GRM7: variants seen among roughly 807,000 people sequenced by gnomAD.
GRM7 encodes the protein metabotropic glutamate receptor 7.
A neutral mutation model predicts 84.5 loss-of-function variants in GRM7; 35 were observed. The observed-to-expected ratio is 0.41, with a 90% CI of 0.32 to 0.55. The LOEUF is 0.55. Ranked by LOEUF, GRM7 falls within the 20% of genes least tolerant of loss-of-function variation. The pLI is 0.19. For synonymous variants in GRM7, 487 were observed against 455.1 expected, an observed-to-expected ratio of 1.07 and a Z score of -0.89; for missense variants, 1,003 against 1,194.6, an observed-to-expected ratio of 0.84 and a Z score of 2.36.
intron 1 of GRM7, among the ~76,000 whole-genome samples, chr3:7,132,333 T>A (rs1693629224): frequency 6.6e-6 from 1 of 152,212 alleles, no homozygotes; most frequent in African/African-American, 2.4e-5. Context: ...CATGGAGTTA[T>A]GTATTCATTA....
intron 4 of GRM7, among the ~76,000 whole-genome samples, chr3:7,318,195 T>G (rs928920207): frequency 6.6e-6 from 1 of 152,066 alleles, no homozygotes; most frequent in Non-Finnish European, 1.5e-5. Context: ...ACATCAGCAA[T>G]TTATTTGTTT....
intron 1 of GRM7, among the ~76,000 whole-genome samples, chr3:7,079,396 G>A (rs1258775730): frequency 6.6e-6 from 1 of 152,172 alleles, no homozygotes; most frequent in Non-Finnish European, 1.5e-5. Flanking sequence ...TGATACTTCA[G>A]AAGTCCAAGA....
intron 1 of GRM7, among the ~76,000 whole-genome samples, chr3:6,992,299 A>G (rs1694670392): frequency 6.6e-6 from 1 of 152,204 alleles, no homozygotes; most frequent in Non-Finnish European, 1.5e-5. Context: ...GATTTTTAGG[A>G]GTCCTTAAAG....
intron 8 of GRM7, among the ~76,000 whole-genome samples, chr3:7,645,270 T>C (rs9850541): frequency 0.16 from 24,372 of 151,956 alleles, 4,352 homozygotes; most frequent in African/African-American, 0.44. Flanking sequence ...GTCAGTTGGC[T>C]GGGCACAGTG....
chr3:6,870,838 T>C (rs1222310592), intron 1 of GRM7, among the ~76,000 whole-genome samples: 1 of 152,170 alleles, frequency 6.6e-6, no homozygotes, highest in East Asian at 1.9e-4. Flanking sequence ...TATTATCATC[T>C]GAAATTGAAA....
chr3:7,271,428 G>A (rs976642343), intron 2 of GRM7, among the ~76,000 whole-genome samples: 9 of 151,700 alleles, frequency 5.9e-5, no homozygotes, highest in Non-Finnish European at 8.8e-5. Context: ...GCGTGGTGGC[G>A]GGCGCCTGTA....
chr3:7,718,529 C>CA (rs1311846504), intron 9 of GRM7, among the ~76,000 whole-genome samples: 6 of 151,938 alleles, frequency 3.9e-5, no homozygotes, highest in African/African-American at 1.5e-4. Flanking sequence ...AGAATATAGC[C>CA]AAAAAAGAGA....
intron 2 of GRM7, among the ~76,000 whole-genome samples, chr3:7,164,990 A>G (rs1425659470): frequency 1.3e-5 from 2 of 152,232 alleles, no homozygotes; most frequent in Admixed American, 6.5e-5. Flanking sequence ...AAAAATCAGC[A>G]TCTGTGTTTA....
At chr3:6,973,443 A>G (rs1464267834) in intron 1 of GRM7, among the ~76,000 whole-genome samples, 2 of 152,144 alleles carry the variant, frequency 1.3e-5, no homozygotes, top group African/African-American at 4.8e-5. Flanking sequence ...ATACAAACAC[A>G]CACATGTAAA....
intron 1 of GRM7, among the ~76,000 whole-genome samples, chr3:7,052,424 T>G (rs1302252115): frequency 6.6e-6 from 1 of 151,656 alleles, no homozygotes; most frequent in South Asian, 2.1e-4. Flanking sequence ...CATATAAAAT[T>G]TATCAATTTA....
At chr3:7,499,277 A>T (rs1699806119) in intron 7 of GRM7, among the ~76,000 whole-genome samples, 1 of 152,132 alleles carries the variant, frequency 6.6e-6, no homozygotes, top group Admixed American at 6.5e-5. Context: ...GGCCTTTCCT[A>T]ACCTAGCCTT....
At chr3:7,687,199 C>A (rs2125147502) in intron 9 of GRM7, among the ~76,000 whole-genome samples, 1 of 152,132 alleles carries the variant, frequency 6.6e-6, no homozygotes, top group South Asian at 2.1e-4. Context: ...CCAATAAATG[C>A]CAAAGGTGTT....
At chr3:6,993,337 G>A (rs1154357) in intron 1 of GRM7, among the ~76,000 whole-genome samples, 65,823 of 151,920 alleles carry the variant, frequency 0.43, 16,471 homozygotes, top group Non-Finnish European at 0.54. Context: ...ACCCCTTCTT[G>A]GAGGTATCAA....
intron 1 of GRM7, among the ~76,000 whole-genome samples, chr3:6,997,885 T>C (rs538964775): frequency 6.6e-6 from 1 of 151,988 alleles, no homozygotes; most frequent in East Asian, 1.9e-4. Flanking sequence ...TTTGGGAGGC[T>C]GAGGAGGGCA....
intron 9 of GRM7, among the ~76,000 whole-genome samples, chr3:7,683,038 C>T (rs1700441851): frequency 6.6e-6 from 1 of 152,206 alleles, no homozygotes; most frequent in African/African-American, 2.4e-5. Flanking sequence ...CACGCTTGTT[C>T]CTCTTTGCTC....
chr3:7,679,489 T>C (rs1291109434), intron 8 of GRM7, among the ~76,000 whole-genome samples: 2 of 152,142 alleles, frequency 1.3e-5, no homozygotes, highest in Non-Finnish European at 2.9e-5. Context: ...TTGTGTTTTA[T>C]AAGACAGAAT....
intron 5 of GRM7, among the ~76,000 whole-genome samples, chr3:7,420,086 A>C (rs1037769311): frequency 5.3e-5 from 8 of 152,146 alleles, no homozygotes; most frequent in Admixed American, 5.2e-4. Flanking sequence ...TTTTCAGTGG[A>C]GCTAACAAAA....
chr3:7,368,396 A>G (rs1268765344), intron 4 of GRM7, among the ~76,000 whole-genome samples: 1 of 152,140 alleles, frequency 6.6e-6, no homozygotes, highest in Non-Finnish European at 1.5e-5. Flanking sequence ...AGTGTTTTTC[A>G]GTAGTAAAAT....
At chr3:7,477,843 A>T (rs1025256854) in intron 7 of GRM7, among the ~76,000 whole-genome samples, 1 of 152,202 alleles carries the variant, frequency 6.6e-6, no homozygotes, top group Non-Finnish European at 1.5e-5. Context: ...TGTATTCAGC[A>T]TACCTTGGTC....
Sources: allele counts gnomAD v4.1 joint callset (sites outside exome capture counted in the v4.1 genomes callset), GRCh38; gene constraint gnomAD v4.1.1; transcripts MANE v1.5; gene names NCBI Gene and HGNC (gene_info 2026-07-23, HGNC 2026-07-21).